TMOD2: variants seen among roughly 807,000 people sequenced by gnomAD.
TMOD2 encodes the protein tropomodulin-2.
A neutral mutation model predicts 39.9 loss-of-function variants in TMOD2; 22 were observed. The observed-to-expected ratio is 0.55, with a 90% CI of 0.39 to 0.79. TMOD2 has a LOEUF of 0.79. Among genes scored for constraint, TMOD2 ranks in the 30% least tolerant of loss-of-function variants. The pLI, the probability that TMOD2 is intolerant of heterozygous loss-of-function variation, is 0.00. For missense variants in TMOD2, 386 were observed against 413.3 expected, an observed-to-expected ratio of 0.93 and a Z score of 0.57; for synonymous variants, 123 against 146.1, an observed-to-expected ratio of 0.84 and a Z score of 1.14.
At chr15:51,780,731 G>A (rs2055923850) in intron 5 of TMOD2, among the ~76,000 whole-genome samples, 1 of 152,180 alleles carries the variant, frequency 6.6e-6, no homozygotes. Context: ...TCTGACAGAT[G>A]TCCATATGGA....
intron 4 of TMOD2, among the ~76,000 whole-genome samples, chr15:51,774,745 C>T (rs980639199): frequency 6.6e-6 from 1 of 152,096 alleles, no homozygotes; most frequent in African/African-American, 2.4e-5. Context: ...ACCCACTGGT[C>T]TTAGCCCTGG....
At chr15:51,801,233 TCTCTCACACACACACACACA>T (rs1595878491) in intron 8 of TMOD2, among the ~76,000 whole-genome samples, 2 of 97,086 alleles carry the variant, frequency 2.1e-5, no homozygotes, top group African/African-American at 9.0e-5. Flanking sequence ...TCTCTCTCTC[TCTCTCACACACACACACACA>T]CACACACACA....
intron 1 of TMOD2, among the ~76,000 whole-genome samples, chr15:51,752,237 C>T (rs868379916): frequency 6.6e-6 from 1 of 152,098 alleles, no homozygotes; most frequent in African/African-American, 2.4e-5. Flanking sequence ...TAAGCGGCCT[C>T]GTGCGGATCC....
intron 1 of TMOD2, among the ~76,000 whole-genome samples, chr15:51,762,640 A>C (rs2055789032): frequency 6.6e-6 from 1 of 152,224 alleles, no homozygotes; most frequent in Non-Finnish European, 1.5e-5. Flanking sequence ...CAATCAAGGT[A>C]GTAAACATAT....
At chr15:51,753,351 C>A (rs2055720302) in intron 1 of TMOD2, among the ~76,000 whole-genome samples, 1 of 152,136 alleles carries the variant, frequency 6.6e-6, no homozygotes, top group Non-Finnish European at 1.5e-5. Flanking sequence ...ACCACTGGAA[C>A]CAAATGACCA....
intron 7 of TMOD2, among the ~76,000 whole-genome samples, chr15:51,791,478 C>G (rs1264816079): frequency 6.6e-6 from 1 of 152,244 alleles, no homozygotes; most frequent in African/African-American, 2.4e-5. Flanking sequence ...CTACTGCTGA[C>G]TTTCTTCACA....
At chr15:51,786,353 T>C (rs1329363639) in intron 7 of TMOD2, among the ~76,000 whole-genome samples, 1 of 152,154 alleles carries the variant, frequency 6.6e-6, no homozygotes, top group African/African-American at 2.4e-5. Flanking sequence ...CATTCAAACA[T>C]GAGATGAAAA....
chr15:51,763,736 G>T (rs4775971), intron 1 of TMOD2, among the ~76,000 whole-genome samples: 7,663 of 152,200 alleles, frequency 0.05, 287 homozygotes, highest in East Asian at 0.1. Context: ...CATCCACTCT[G>T]CTAGTTTTGA....
intron 1 of TMOD2, among the ~76,000 whole-genome samples, chr15:51,759,160 G>C (rs2055762258): frequency 6.6e-6 from 1 of 152,034 alleles, no homozygotes; most frequent in African/African-American, 2.4e-5. Flanking sequence ...GACAGGATTT[G>C]GTGATTGATG....
chr15:51,803,213 TC>T (rs1354692542), intron 8 of TMOD2, among the ~76,000 whole-genome samples: 1 of 138,686 alleles, frequency 7.2e-6, no homozygotes, highest in Non-Finnish European at 1.5e-5. Context: ...GGAGTTTCAC[TC>T]CTGTCACCCA....
chr15:51,782,605 A>G (rs2055938221), intron 6 of TMOD2, 116 bp from the exon 7 acceptor site: 1 of 781,462 alleles, frequency 1.3e-6, no homozygotes. Context: ...CCTCATTTAG[A>G]AGGGATATCG....
chr15:51,766,389 G>A lies in TMOD2; in HGVS notation c.-53G>A. On this transcript the variant is annotated 5_prime_UTR_variant, in exon 2 of 10. Transcript: ENST00000249700. ...TATTAACAGTATTCTGAAGTCTCAG[G>A]AAACTGGACCATTTAAATGTGCATG... is the stretch of plus-strand genomic sequence containing the variant. 1.3e-6 allele frequency: 2 copies of A among 1,544,664 alleles called. No homozygotes were observed. Among genetic ancestry groups the A allele is most frequent in the Non-Finnish European group, 1.8e-6 (2 of 1,142,036 alleles).
chr15:51,801,251 A>T lies in TMOD2; in HGVS notation c.876+2911A>T, dbSNP rs1018143674. ...CTCTCTCTCTCTCACACACACACAC[A>T]CACACACACACACACACACACACAC... On this transcript the variant is annotated intron_variant, in intron 8 of 9. Coordinates refer to ENST00000249700, the MANE Select transcript of TMOD2 (RefSeq NM_014548.4). 1.3e-3 allele frequency among the ~76,000 whole-genome samples: 181 copies of T among 136,292 alleles called. 1 individual carries two copies. Among genetic ancestry groups the T allele is most frequent in the African/African-American group, 4.5e-3 (157 of 34,872 alleles). 89.4% of individuals were successfully genotyped at this position (136,292 alleles called of 152,430 possible).
At chr15:51,779,256 T>C (rs1008796117) in intron 5 of TMOD2, among the ~76,000 whole-genome samples, 1 of 152,258 alleles carries the variant, frequency 6.6e-6, no homozygotes, top group Non-Finnish European at 1.5e-5. Flanking sequence ...TGACAATGTT[T>C]CCTATTAACA....
At chr15:51,760,427 T>C (rs2055772659) in intron 1 of TMOD2, among the ~76,000 whole-genome samples, 1 of 152,226 alleles carries the variant, frequency 6.6e-6, no homozygotes, top group African/African-American at 2.4e-5. Context: ...CACTGACTCT[T>C]CTGCCTTCCT....
chr15:51,786,913 C>T lies in TMOD2; in HGVS notation c.732+4085C>T, dbSNP rs552994632. ...AGTCTACAGCTCCCAGTGAGATCGA[C>T]GCAGAAGATGGGTGTTTCTGCATTT... On this transcript the variant is annotated intron_variant, in intron 7 of 9. Transcript: ENST00000249700. Among the ~76,000 whole-genome samples, 60 of 152,344 alleles carry T rather than the reference C, an allele frequency of 3.9e-4. 1 individual carries two copies. In the South Asian group the frequency reaches 0.011, roughly 27 times the overall value.
chr15:51,777,155 C>A, intron 5 of TMOD2, 137 bp downstream of exon 5: 1 of 695,052 alleles, frequency 1.4e-6, no homozygotes, highest in Non-Finnish European at 2.5e-6. Flanking sequence ...AGCAATCAAA[C>A]CAGAACAGAG....
chr15:51,810,870 A>C lies in TMOD2; in HGVS notation c.*2416A>C, dbSNP rs2141649055. ...CTGGGGGCTAAAGCAGTTCTTGGCA[A>C]ACTCTGGCAGAAAGCAAGAAAAAAA... On this transcript the variant is annotated 3_prime_UTR_variant, in exon 10 of 10. Transcript: ENST00000249700. 1 of 151,952 alleles carries C rather than the reference A, an allele frequency of 6.6e-6. No homozygotes were observed. Among genetic ancestry groups the C allele is most frequent in the African/African-American group, 2.4e-5 (1 of 41,426 alleles). 9.4% of individuals were successfully genotyped at this position (151,952 alleles called of 1,614,324 possible).
chr15:51,807,780 C>A (rs2056130184), intron 9 of TMOD2, among the ~76,000 whole-genome samples: 1 of 152,200 alleles, frequency 6.6e-6, no homozygotes, highest in East Asian at 1.9e-4. Flanking sequence ...TTCAAATAGC[C>A]CTCTTCCCAG....
Sources: gnomAD v4.1 joint callset for allele counts (sites outside exome capture counted in the v4.1 genomes callset) on GRCh38, gnomAD v4.1.1 for gene constraint, MANE v1.5 for transcripts, NCBI Gene and HGNC (gene_info 2026-07-23, HGNC 2026-07-21) for gene names.